Variants in PLEKHM1 observed in about 807,000 individuals in gnomAD.
PLEKHM1 encodes the protein pleckstrin homology and RUN domain containing M1.
In PLEKHM1, 28 loss-of-function variants were observed where a neutral mutation model predicts 94.3. The observed-to-expected ratio is 0.30, with a 90% confidence interval of 0.22 to 0.41. The LOEUF is 0.41. Among genes scored for constraint, PLEKHM1 ranks in the 10% least tolerant of loss-of-function variants. The pLI is 1.00. For missense variants in PLEKHM1, 907 were observed against 1,358.6 expected (o/e 0.67, Z 5.22); for synonymous variants, 424 against 581.2 (o/e 0.73, Z 3.89).
At position 45,445,182 on chromosome 17, in the gene PLEKHM1, G is replaced by A. The variant is rs187957281; in HGVS notation, c.2837+288C>T. Among the ~76,000 whole-genome samples, 6 of 152,318 alleles carry A rather than the reference G, an allele frequency of 3.9e-5. No homozygotes were observed. Among genetic ancestry groups the A allele is most frequent in the East Asian group, 3.9e-4 (2 of 5,176 alleles). On this transcript the variant is annotated intron_variant, in intron 9 of 11. Transcript: ENST00000430334. The surrounding 1 kb of genome is among the most constrained non-coding windows in gnomAD (Gnocchi z 4.2). The stretch of plus-strand genomic sequence containing the variant: ...CACCCCCAAAAGATGTGATCATTTC[G>A]CAGGCCCAGTGGGAAGATCTCTGCC...
Position 45,436,335 on chromosome 17 carries a change from G to A in PLEKHM1, c.*1523C>T, listed in dbSNP as rs1205399712. 13 of 454,078 alleles carry A rather than the reference G, an allele frequency of 2.9e-5. No individual in the cohort carries two copies. Among genetic ancestry groups the A allele is most frequent in the Non-Finnish European group, 5.7e-5 (13 of 226,818 alleles). 28.1% of individuals were successfully genotyped at this position (454,078 alleles called of 1,614,324 possible). On this transcript the variant is annotated 3_prime_UTR_variant, in exon 12 of 12. Transcript: ENST00000430334. Reference sequence around the variant, plus strand: ...GAGGCATTGGCGTCTGGGCACAGGTGTGTGCCATGACCGGGAGAAGCTGTG... The same window carrying A: ...GAGGCATTGGCGTCTGGGCACAGGTATGTGCCATGACCGGGAGAAGCTGTG...
At chr17:45,476,044 G>C in intron 3 of PLEKHM1, 1 of 401,186 alleles carries the variant, frequency 2.5e-6, no homozygotes, top group East Asian at 5.7e-5. Context: ...CCAGCTACTC[G>C]GGAGGTTGAG....
chr17:45,446,506 C>T (rs1014305587), intron 8 of PLEKHM1, among the ~76,000 whole-genome samples: 8 of 152,176 alleles, frequency 5.3e-5, no homozygotes, highest in African/African-American at 1.9e-4. Flanking sequence ...AGCCCCCTCC[C>T]CTGCAGTGAT....
rs1036458846 is a variant in PLEKHM1, at chr17:45,453,266, A to G, written c.2497+89T>C. On this transcript the variant is annotated intron_variant, in intron 7 of 11. Coordinates refer to ENST00000430334, the MANE Select transcript of PLEKHM1 (RefSeq NM_014798.3). This position sits in a 1 kb window ranked among gnomAD's most constrained non-coding sequence, Gnocchi z 4.1. ...GGGAAGGATGGGGGCATTTGCGGGG[A>G]GGCAGAAGGGTGGGGAGCCTAAATC... The G allele has an allele frequency of 7.7e-7, 1 of 1,300,394 alleles. No homozygotes were observed. Among genetic ancestry groups the G allele is most frequent in the African/African-American group, 1.5e-5 (1 of 68,194 alleles). 80.6% of individuals were successfully genotyped at this position (1,300,394 alleles called of 1,614,324 possible).
At position 45,435,914 on chromosome 17, in the gene PLEKHM1, A is replaced by G. The variant is rs1395204952; in HGVS notation, c.*1944T>C. ...AGCCAGACCAGTGATGAGAAAGATC[A>G]GGTCTTTACTGCAAAATCATTCAAA... On this transcript the variant is annotated 3_prime_UTR_variant, in exon 12 of 12. Coordinates refer to ENST00000430334, the MANE Select transcript of PLEKHM1 (RefSeq NM_014798.3). The G allele has an allele frequency of 4.4e-6, 2 of 453,798 alleles. No homozygotes were observed. Among genetic ancestry groups the G allele is most frequent in the African/African-American group, 2.0e-5 (1 of 49,964 alleles). 28.1% of individuals were successfully genotyped at this position (453,798 alleles called of 1,614,324 possible).
chr17:45,478,141 T>G lies in PLEKHM1; in HGVS notation c.55A>C (p.Lys19Gln). 1.2e-6 allele frequency: 2 copies of G among 1,614,174 alleles called. No individual in the cohort carries two copies. Among genetic ancestry groups the G allele is most frequent in the Non-Finnish European group, 1.7e-6 (2 of 1,180,034 alleles). ...LDPQAAIPVI[K>Q]KKLVGSVKAL... ...TTCACGGATCCCACCAGCTTCTTCTTGATGACCTAGGCAGCACCACACAGA... is the reference window on the plus strand; with the variant it reads ...TTCACGGATCCCACCAGCTTCTTCTGGATGACCTAGGCAGCACCACACAGA... The change falls in exon 3 of 12, where the codon AAG (lysine) becomes CAG (glutamine). Residue 19 changes from lysine (K) to glutamine (Q), a missense_variant. By Grantham distance (53) the Lys-to-Gln change is moderately conservative (BLOSUM62 1). Coordinates refer to ENST00000430334, the MANE Select transcript of PLEKHM1 (RefSeq NM_014798.3).
Position 45,445,710 on chromosome 17 carries a change from G to T in PLEKHM1, c.2644-47C>A, listed in dbSNP as rs2050588067. 1 of 1,508,072 alleles carries T rather than the reference G, an allele frequency of 6.6e-7. No individual in the cohort carries two copies. Among genetic ancestry groups the T allele is most frequent in the Admixed American group, 1.7e-5 (1 of 59,890 alleles). The allele number at this position is 1,508,072 out of a possible 1,614,324, so 93.4% of individuals were successfully genotyped here. A position where few individuals can be genotyped will look rare whatever the true frequency, so the allele number is the denominator to read the frequency against. On this transcript the variant is annotated intron_variant, in intron 8 of 11. Coordinates refer to ENST00000430334, the MANE Select transcript of PLEKHM1 (RefSeq NM_014798.3). The surrounding 1 kb of genome is among the most constrained non-coding windows in gnomAD (Gnocchi z 4.2). ...GGGGATGGGAAGGAATGGCTGTTCAGTGAGCACTGCCTGGCCAGGTGCCAC... is the reference window on the plus strand; with the variant it reads ...GGGGATGGGAAGGAATGGCTGTTCATTGAGCACTGCCTGGCCAGGTGCCAC...
At chr17:45,471,695 G>T (rs2051519328) in intron 4 of PLEKHM1, among the ~76,000 whole-genome samples, 1 of 152,192 alleles carries the variant, frequency 6.6e-6, no homozygotes, top group African/African-American at 2.4e-5. Flanking sequence ...GGCGGAGGTT[G>T]CAGTGAGCCG....
intron 9 of PLEKHM1, among the ~76,000 whole-genome samples, chr17:45,443,498 AGCAGGAGTACAGCGCT>A (rs2050509591): frequency 6.6e-6 from 1 of 152,244 alleles, no homozygotes; most frequent in Admixed American, 6.5e-5. Flanking sequence ...CTGAGCGCCT[AGCAGGAGTACAGCGCT>A]GCTGCCCAGG....
intron 1 of PLEKHM1, among the ~76,000 whole-genome samples, chr17:45,484,390 C>T (rs1407557924): frequency 3.9e-5 from 6 of 152,192 alleles, no homozygotes; most frequent in African/African-American, 7.2e-5. Flanking sequence ...GCTTTCACAA[C>T]CCACCTTATC....
Position 45,453,148 on chromosome 17 carries a change from G to T in PLEKHM1, c.2497+207C>A, listed in dbSNP as rs2050821870. The T allele has an allele frequency of 7.9e-6, 5 of 629,054 alleles. No individual in the cohort carries two copies. Among genetic ancestry groups the T allele is most frequent in the South Asian group, 5.4e-5 (3 of 55,252 alleles). The allele number at this position is 629,054 out of a possible 1,614,324, so 39.0% of individuals were successfully genotyped here. On this transcript the variant is annotated intron_variant, in intron 7 of 11. Transcript: ENST00000430334. The surrounding 1 kb of genome is among the most constrained non-coding windows in gnomAD (Gnocchi z 4.1). ...TGGCAGGAGAGGGACGGGTGAGCAGGGCCCACTGCCTATGAGCAGGGCACT... is the reference window on the plus strand; with the variant it reads ...TGGCAGGAGAGGGACGGGTGAGCAGTGCCCACTGCCTATGAGCAGGGCACT...
intron 1 of PLEKHM1, among the ~76,000 whole-genome samples, chr17:45,483,853 A>AT (rs1241587503): frequency 6.6e-6 from 1 of 152,160 alleles, no homozygotes; most frequent in African/African-American, 2.4e-5. Flanking sequence ...AGCCAACCCC[A>AT]GCCCTAGGAA....
intron 6 of PLEKHM1, 116 bp from the exon 7 acceptor site, chr17:45,454,388 A>G: frequency 2.1e-6 from 2 of 946,980 alleles, no homozygotes; most frequent in Non-Finnish European, 3.3e-6. Context: ...TGTCCCCAGA[A>G]CACAGGCCAG....
chr17:45,458,181 G>A lies in PLEKHM1; in HGVS notation c.1567C>T (p.Arg523Trp), dbSNP rs752722549. The A allele has an allele frequency of 4.3e-6, 7 of 1,613,438 alleles. No individual in the cohort carries two copies. Among genetic ancestry groups the A allele is most frequent in the East Asian group, 2.2e-5 (1 of 44,866 alleles). ...CCTGGTAACCTACCCATCTGTCTCCGGTGTACCACCCGGAAGCTCTTATGC... is the reference window on the plus strand; with the variant it reads ...CCTGGTAACCTACCCATCTGTCTCCAGTGTACCACCCGGAAGCTCTTATGC... ...QGHKSFRVVH[R>W]RQMGLSNPFR... Residue 523 changes from arginine to tryptophan, a missense_variant, in exon 6 of 12, where the codon CGG (arginine) becomes TGG (tryptophan). Around this residue, in one of 3 missense-constraint regions of PLEKHM1, gnomAD observed 477 missense variants for 601.5 expected, o/e 0.79. Transcript: ENST00000430334.
At chr17:45,438,511 G>A (rs886132279) in intron 11 of PLEKHM1, among the ~76,000 whole-genome samples, 2 of 151,202 alleles carry the variant, frequency 1.3e-5, no homozygotes, top group Non-Finnish European at 2.9e-5. Context: ...CAGCCTGGGC[G>A]ACAGAGCAAG....
intron 1 of PLEKHM1, among the ~76,000 whole-genome samples, chr17:45,483,669 C>T (rs2052026357): frequency 6.6e-6 from 1 of 152,168 alleles, no homozygotes; most frequent in East Asian, 1.9e-4. Context: ...GTTAAATGGG[C>T]TCAGTTCTCT....
At chr17:45,485,512 T>C (rs7220533) in intron 1 of PLEKHM1, among the ~76,000 whole-genome samples, 3,955 of 152,208 alleles carry the variant, frequency 0.026, 152 homozygotes, top group African/African-American at 0.084. Context: ...CATTAACTAA[T>C]TAGCTGAGAG....
rs3186976 is a variant in PLEKHM1 at position 45,437,223 on chromosome 17, G to C, written c.*635C>G. The C allele has an allele frequency of 0.034, 15,331 of 453,370 alleles. 352 individuals carry two copies. Among genetic ancestry groups the C allele is most frequent in the Middle Eastern group, 0.067 (97 of 1,442 alleles). 28.1% of individuals were successfully genotyped at this position (453,370 alleles called of 1,614,324 possible). On this transcript the variant is annotated 3_prime_UTR_variant, in exon 12 of 12. Transcript: ENST00000430334. This position sits in a 1 kb window ranked among gnomAD's most constrained non-coding sequence, Gnocchi z 4.0. ...GGACACAGAGGAACCGGGGTCGCCA[G>C]GACTGGCCCTGCCCTGCTGAGGGGC...
chr17:45,461,188 A>C (rs1465740299), intron 5 of PLEKHM1, among the ~76,000 whole-genome samples: 2 of 150,402 alleles, frequency 1.3e-5, no homozygotes, highest in Non-Finnish European at 3.0e-5. Context: ...CGCCCAGCCA[A>C]TGTCTGTTGT....
Sources: allele counts gnomAD v4.1 joint callset (sites outside exome capture counted in the v4.1 genomes callset), GRCh38; gene constraint gnomAD v4.1.1; regional missense constraint gnomAD v4.1.1; non-coding constraint Gnocchi (gnomAD v3.1); transcripts MANE v1.5; gene names NCBI Gene and HGNC (gene_info 2026-07-23, HGNC 2026-07-21).